CNTN5: variants seen among roughly 807,000 people sequenced by gnomAD.
CNTN5 encodes the protein contactin 5.
In CNTN5, 77 loss-of-function variants were observed where a neutral mutation model predicts 129.1. The ratio of observed to expected loss-of-function variants is 0.60; its 90% CI spans 0.50 to 0.72. CNTN5 has a LOEUF of 0.72. Ranked by LOEUF, CNTN5 falls within the 30% of genes least tolerant of loss-of-function variation. CNTN5 has a pLI of 0.00. For synonymous variants in CNTN5, 509 were observed against 465.6 expected, an observed-to-expected ratio of 1.09 and a Z score of -1.20; for missense variants, 1,478 against 1,328.8, an observed-to-expected ratio of 1.11 and a Z score of -1.75.
chr11:100,272,236 G>A (rs1950419991), intron 18 of CNTN5, among the ~76,000 whole-genome samples: 1 of 151,954 alleles, frequency 6.6e-6, no homozygotes, highest in Non-Finnish European at 1.5e-5. Flanking sequence ...GTTTGGTACT[G>A]GTACTCAGCA....
Position 99,058,745 on chromosome 11 carries a change from A to G in CNTN5, c.-210+37475A>G, listed in dbSNP as rs142077203. On this transcript the variant is annotated intron_variant, in intron 1 of 24. Coordinates refer to ENST00000524871, the MANE Select transcript of CNTN5 (RefSeq NM_014361.4). Reference sequence around the variant, plus strand: ...CCAAAGTCTTCCTTCATTGTCATTAATCAAAGACTGGCACTCTTCTGGTCA... The same window carrying G: ...CCAAAGTCTTCCTTCATTGTCATTAGTCAAAGACTGGCACTCTTCTGGTCA... Among the ~76,000 whole-genome samples the G allele has an allele frequency of 3.1e-3, 468 of 151,756 alleles. 1 individual carries two copies. Among genetic ancestry groups the G allele is most frequent in the African/African-American group, 0.011 (447 of 41,438 alleles).
intron 1 of CNTN5, among the ~76,000 whole-genome samples, chr11:99,081,831 T>A (rs2135284604): frequency 6.6e-6 from 1 of 152,272 alleles, no homozygotes; most frequent in Non-Finnish European, 1.5e-5. Flanking sequence ...TATCAATTAT[T>A]AAGAAGGAAT....
chr11:100,098,029 G>A (rs1945071781), intron 13 of CNTN5, among the ~76,000 whole-genome samples: 1 of 151,788 alleles, frequency 6.6e-6, no homozygotes, highest in African/African-American at 2.4e-5. Flanking sequence ...AGATGAGCTA[G>A]GTAATAGGTT....
chr11:100,308,243 C>A, intron 20 of CNTN5, 116 bp from the exon 21 acceptor site: 1 of 868,708 alleles, frequency 1.2e-6, no homozygotes, highest in Non-Finnish European at 1.7e-6. Flanking sequence ...TTTATAACTA[C>A]CACAGCACTT....
At chr11:99,820,422 A>G (rs1472443678) in intron 4 of CNTN5, among the ~76,000 whole-genome samples, 1 of 152,298 alleles carries the variant, frequency 6.6e-6, no homozygotes, top group East Asian at 1.9e-4. Flanking sequence ...TTACTTATGA[A>G]TGGAAAATAA....
chr11:99,354,572 C>T (rs1295592364), intron 2 of CNTN5, among the ~76,000 whole-genome samples: 2 of 152,134 alleles, frequency 1.3e-5, no homozygotes, highest in Non-Finnish European at 1.5e-5. Flanking sequence ...GAGACATCAG[C>T]GACCCCTCTT....
At chr11:100,313,759 A>T (rs535135047) in intron 21 of CNTN5, among the ~76,000 whole-genome samples, 1 of 152,190 alleles carries the variant, frequency 6.6e-6, no homozygotes, top group East Asian at 1.9e-4. Flanking sequence ...GTCCTGGCAC[A>T]CTCAGCATTT....
chr11:99,416,286 CT>C (rs570548103), intron 2 of CNTN5, among the ~76,000 whole-genome samples: 6 of 150,520 alleles, frequency 4.0e-5, no homozygotes, highest in South Asian at 2.1e-4. Context: ...ATTCTAATGC[CT>C]TTTTTTTTGA....
chr11:99,548,293 T>C (rs1565283612), intron 2 of CNTN5, among the ~76,000 whole-genome samples: 1 of 152,230 alleles, frequency 6.6e-6, no homozygotes, highest in African/African-American at 2.4e-5. Context: ...TTTCACAGTT[T>C]ATTTAGGCAA....
chr11:100,203,947 T>G (rs1029051120), intron 15 of CNTN5, among the ~76,000 whole-genome samples: 4 of 151,772 alleles, frequency 2.6e-5, no homozygotes, highest in Non-Finnish European at 5.9e-5. Context: ...TGTTCTCACA[T>G]GCTGACCCAC....
intron 1 of CNTN5, among the ~76,000 whole-genome samples, chr11:99,078,201 A>G (rs1275617138): frequency 6.6e-6 from 1 of 152,146 alleles, no homozygotes; most frequent in Admixed American, 6.5e-5. Context: ...GTATTCACGG[A>G]TAATATTTTT....
At chr11:99,265,664 C>G (rs1304636158) in intron 1 of CNTN5, among the ~76,000 whole-genome samples, 1 of 151,808 alleles carries the variant, frequency 6.6e-6, no homozygotes, top group Non-Finnish European at 1.5e-5. Flanking sequence ...AAATTCTTAT[C>G]CAGCCCCTTC....
intron 9 of CNTN5, among the ~76,000 whole-genome samples, chr11:100,046,634 A>T (rs1027967214): frequency 1.3e-5 from 2 of 152,170 alleles, no homozygotes; most frequent in Non-Finnish European, 2.9e-5. Flanking sequence ...ATGTGTATAC[A>T]TATAAAACAT....
intron 1 of CNTN5, among the ~76,000 whole-genome samples, chr11:99,298,246 G>A (rs2135938026): frequency 6.6e-6 from 1 of 152,318 alleles, no homozygotes; most frequent in East Asian, 1.9e-4. Flanking sequence ...GCAGCCCCCA[G>A]AATCACAGCA....
intron 2 of CNTN5, among the ~76,000 whole-genome samples, chr11:99,505,297 T>G (rs926390478): frequency 2.6e-5 from 4 of 152,220 alleles, no homozygotes; most frequent in African/African-American, 9.6e-5. Flanking sequence ...AAATCTCTAA[T>G]GGTAGAAATT....
At chr11:100,095,130 A>G (rs1261125378) in intron 13 of CNTN5, among the ~76,000 whole-genome samples, 1 of 152,084 alleles carries the variant, frequency 6.6e-6, no homozygotes, top group Admixed American at 6.6e-5. Context: ...ATAAGCCAAA[A>G]GAGGGTGAAA....
intron 2 of CNTN5, among the ~76,000 whole-genome samples, chr11:99,513,387 G>A (rs562805582): frequency 2.6e-5 from 4 of 152,248 alleles, no homozygotes; most frequent in African/African-American, 7.2e-5. Context: ...AGTTAAGATC[G>A]TTGATGAAGA....
intron 7 of CNTN5, among the ~76,000 whole-genome samples, chr11:99,940,938 A>T (rs1237754615): frequency 6.6e-6 from 1 of 152,108 alleles, no homozygotes; most frequent in Non-Finnish European, 1.5e-5. Flanking sequence ...ATTAATGAAA[A>T]AACAAGGATG....
intron 7 of CNTN5, among the ~76,000 whole-genome samples, chr11:99,918,068 C>T (rs1424943478): frequency 2.6e-5 from 4 of 152,080 alleles, no homozygotes; most frequent in Non-Finnish European, 4.4e-5. Context: ...CCTTTAGTAC[C>T]CTGATTGCAG....
Sources: allele counts gnomAD v4.1 joint callset (sites outside exome capture counted in the v4.1 genomes callset), GRCh38; gene constraint gnomAD v4.1.1; transcripts MANE v1.5; gene names NCBI Gene and HGNC (gene_info 2026-07-23, HGNC 2026-07-21).